The following DLG2 variants were observed in gnomAD, a reference collection of about 807,000 sequenced individuals.
DLG2 encodes the protein discs large MAGUK scaffold protein 2.
In DLG2, 45 loss-of-function variants were observed where a neutral mutation model predicts 132.5. That is an observed-to-expected ratio of 0.34 (90% confidence interval 0.27 to 0.44). DLG2 has a LOEUF of 0.44. Among genes scored for constraint, DLG2 ranks in the 20% least tolerant of loss-of-function variants. The pLI is 1.00. For missense variants in DLG2, 1,045 were observed against 1,196.9 expected (o/e 0.87, Z 1.87); for synonymous variants, 424 against 419.6 (o/e 1.01, Z -0.13).
Position 84,073,542 on chromosome 11 carries a change from C to T in DLG2, c.750-14058G>A, listed in dbSNP as rs546059351. Reference sequence around the variant, plus strand: ...GACACAGTTGCCAACGAGAAAGATACTGGCCCTTGACCTAGGGGATGAAGA... The same window carrying T: ...GACACAGTTGCCAACGAGAAAGATATTGGCCCTTGACCTAGGGGATGAAGA... On this transcript the variant is annotated intron_variant, in intron 10 of 27. Coordinates refer to ENST00000376104, the MANE Select transcript of DLG2 (RefSeq NM_001142699.3). 1.9e-3 allele frequency among the ~76,000 whole-genome samples: 288 copies of T among 152,210 alleles called. 1 individual carries two copies. Among genetic ancestry groups the T allele is most frequent in the African/African-American group, 6.5e-3 (271 of 41,540 alleles).
chr11:84,227,899 G>A (rs1284704832), intron 8 of DLG2, among the ~76,000 whole-genome samples: 2 of 140,702 alleles, frequency 1.4e-5, no homozygotes, highest in African/African-American at 2.7e-5. Flanking sequence ...GGGCGACAGA[G>A]TGAGACTCCA....
intron 18 of DLG2, among the ~76,000 whole-genome samples, chr11:83,634,745 G>C (rs575670985): frequency 6.6e-6 from 1 of 152,136 alleles, no homozygotes; most frequent in South Asian, 2.1e-4. Flanking sequence ...ATTAATGTAG[G>C]GATAGCTTTT....
intron 15 of DLG2, among the ~76,000 whole-genome samples, chr11:83,899,307 T>C (rs1007796572): frequency 5.3e-5 from 8 of 152,292 alleles, no homozygotes; most frequent in African/African-American, 1.9e-4. Flanking sequence ...CCAAACACCA[T>C]CCTGTCTTCT....
rs1213343461 is a variant in DLG2, at chr11:84,296,962, G to C, written c.520-45671C>G. Among the ~76,000 whole-genome samples the C allele has an allele frequency of 2.0e-5, 3 of 152,088 alleles. No individual in the cohort carries two copies. The South Asian group carries it at 6.2e-4, about 32-fold the overall frequency. On this transcript the variant is annotated intron_variant, in intron 7 of 27. Coordinates refer to ENST00000376104, the MANE Select transcript of DLG2 (RefSeq NM_001142699.3). The stretch of plus-strand genomic sequence containing the variant: ...AGAGAAAGGGTCAAGACCTAAAGAG[G>C]GGGGAAAGGGTCAATAGCAGATATT...
Position 85,024,374 on chromosome 11 carries a change from C to T in DLG2, c.357+87287G>A, listed in dbSNP as rs557189331. Among the ~76,000 whole-genome samples the T allele has an allele frequency of 1.4e-4, 22 of 152,202 alleles. No individual in the cohort carries two copies. In the East Asian group the frequency reaches 3.3e-3, roughly 23 times the overall value. On this transcript the variant is annotated intron_variant, in intron 6 of 27. Transcript: ENST00000376104. Reference sequence around the variant, plus strand: ...TTAAACAACCTCAAGGTAAACGGCACCAAAACTGTGTTTTTGTATCTAATT... The same window carrying T: ...TTAAACAACCTCAAGGTAAACGGCATCAAAACTGTGTTTTTGTATCTAATT...
rs578174566 is a variant in DLG2 at position 84,529,489 on chromosome 11, T to C, written c.519+5081A>G. Among the ~76,000 whole-genome samples, 16 of 152,198 alleles carry C rather than the reference T, an allele frequency of 1.1e-4. No individual in the cohort carries two copies. In the South Asian group the frequency reaches 2.5e-3, roughly 24 times the overall value. On this transcript the variant is annotated intron_variant, in intron 7 of 27. Transcript: ENST00000376104. ...GTGTCCAAAAGCAGAAGTATTCCTA[T>C]CTACCAACAACATCCAAGCTGAGAG...
intron 7 of DLG2, among the ~76,000 whole-genome samples, chr11:84,438,712 G>A (rs1259879324): frequency 6.6e-6 from 1 of 152,312 alleles, no homozygotes; most frequent in Non-Finnish European, 1.5e-5. Context: ...TTCTTCCAAT[G>A]AGAGATAAGG....
At position 85,509,416 on chromosome 11, in the gene DLG2, T is replaced by C. The variant is rs115897093; in HGVS notation, c.40+89241A>G. Among the ~76,000 whole-genome samples the C allele has an allele frequency of 1.2e-3, 188 of 152,146 alleles. 1 individual carries two copies. The highest frequency in any genetic ancestry group is 4.4e-3 in the African/African-American group (182 of 41,540). ...GCATTACTTTAAGAAGTAAGTGCCT[T>C]ACTACACAGTACAAGGCACATTGAC... On this transcript the variant is annotated intron_variant, in intron 3 of 27. Transcript: ENST00000376104.
intron 3 of DLG2, among the ~76,000 whole-genome samples, chr11:85,396,655 A>G (rs562154712): frequency 3.2e-4 from 49 of 152,348 alleles, no homozygotes; most frequent in African/African-American, 1.2e-3. Flanking sequence ...AGCCAATTCA[A>G]TCAAGTGGAA....
intron 6 of DLG2, among the ~76,000 whole-genome samples, chr11:84,584,119 G>A (rs1403416556): frequency 6.6e-6 from 1 of 151,940 alleles, no homozygotes; most frequent in East Asian, 1.9e-4. Context: ...ATGTCAGTTT[G>A]TTTTCTAAAA....
chr11:84,629,203 C>T lies in DLG2; in HGVS notation c.358-94472G>A, dbSNP rs533161121. Among the ~76,000 whole-genome samples the T allele has an allele frequency of 6.0e-4, 91 of 152,320 alleles. 1 individual carries two copies. The highest frequency in any genetic ancestry group is 1.7e-3 in the African/African-American group (70 of 41,582). On this transcript the variant is annotated intron_variant, in intron 6 of 27. Coordinates refer to ENST00000376104, the MANE Select transcript of DLG2 (RefSeq NM_001142699.3). ...ATTTTCTGAGCTTTATAAACAAATT[C>T]TGCAACCCCTCCCCACATACATCTT...
At chr11:85,540,315 C>T (rs893438817) in intron 3 of DLG2, among the ~76,000 whole-genome samples, 1 of 152,226 alleles carries the variant, frequency 6.6e-6, no homozygotes, top group African/African-American at 2.4e-5. Flanking sequence ...CAGGCACAGA[C>T]ACACGAGCAG....
chr11:84,435,497 G>A (rs1278910399), intron 7 of DLG2, among the ~76,000 whole-genome samples: 1 of 151,984 alleles, frequency 6.6e-6, no homozygotes, highest in Non-Finnish European at 1.5e-5. Context: ...ACTCCTCCTA[G>A]CTCTCTTCCT....
intron 6 of DLG2, among the ~76,000 whole-genome samples, chr11:84,963,628 A>T (rs780960034): frequency 6.6e-6 from 1 of 152,220 alleles, no homozygotes; most frequent in Non-Finnish European, 1.5e-5. Context: ...GCTTAATTTC[A>T]GGATCTCCTT....
intron 17 of DLG2, chr11:83,790,158 T>C: frequency 2.3e-6 from 2 of 863,504 alleles, no homozygotes; most frequent in African/African-American, 1.7e-5. Context: ...AGCTGAGACC[T>C]TGAATAACAA....
intron 15 of DLG2, among the ~76,000 whole-genome samples, chr11:83,886,871 G>C (rs1227629238): frequency 2.0e-5 from 3 of 150,216 alleles, no homozygotes; most frequent in Non-Finnish European, 4.4e-5. Flanking sequence ...CGAAATGAAG[G>C]CAGAAATAAA....
intron 11 of DLG2, among the ~76,000 whole-genome samples, chr11:84,005,121 T>C (rs555817996): frequency 1.3e-5 from 2 of 151,688 alleles, no homozygotes; most frequent in African/African-American, 4.8e-5. Flanking sequence ...AGAAATATAT[T>C]ACTAGGCATG....
At chr11:84,517,148 A>T (rs2099276292) in intron 7 of DLG2, among the ~76,000 whole-genome samples, 1 of 151,136 alleles carries the variant, frequency 6.6e-6, no homozygotes, top group Non-Finnish European at 1.5e-5. Flanking sequence ...CAAAAATAGA[A>T]AAATGGGACT....
intron 6 of DLG2, among the ~76,000 whole-genome samples, chr11:84,550,937 T>A (rs1251411982): frequency 6.6e-6 from 1 of 152,186 alleles, no homozygotes; most frequent in South Asian, 2.1e-4. Context: ...AAGAAGCAGT[T>A]ATGAACAGCT....
Sources: gnomAD v4.1 joint callset for allele counts (sites outside exome capture counted in the v4.1 genomes callset) on GRCh38, gnomAD v4.1.1 for gene constraint, MANE v1.5 for transcripts, NCBI Gene and HGNC (gene_info 2026-07-23, HGNC 2026-07-21) for gene names.